The following EXOC4 variants were observed in gnomAD, a reference collection of about 807,000 sequenced individuals.
EXOC4 encodes SEC8-like 1.
EXOC4 carries 71 observed loss-of-function variants against 107.2 expected under a neutral mutation model. The observed-to-expected ratio is 0.66, with a 90% confidence interval of 0.55 to 0.81. The LOEUF is 0.81. Among genes scored for constraint, EXOC4 ranks in the 30% least tolerant of loss-of-function variants. EXOC4 has a pLI of 0.00. For missense variants in EXOC4, 1,108 were observed against 1,189.6 expected, an observed-to-expected ratio of 0.93 and a Z score of 1.01; for synonymous variants, 456 against 441.2, an observed-to-expected ratio of 1.03 and a Z score of -0.42.
intron 7 of EXOC4, among the ~76,000 whole-genome samples, chr7:133,435,238 A>G (rs150110475): frequency 2.3e-4 from 35 of 152,220 alleles, no homozygotes; most frequent in Non-Finnish European, 4.6e-4. Flanking sequence ...ATCTTGTCAC[A>G]TGTGAAGGCA....
At chr7:133,270,150 C>A (rs920130036) in intron 1 of EXOC4, among the ~76,000 whole-genome samples, 1 of 152,144 alleles carries the variant, frequency 6.6e-6, no homozygotes, top group African/African-American at 2.4e-5. Context: ...AAGCTCTATT[C>A]TCTTGTCTGC....
intron 10 of EXOC4, among the ~76,000 whole-genome samples, chr7:133,761,248 A>G (rs975673212): frequency 2.0e-5 from 3 of 152,190 alleles, no homozygotes; most frequent in African/African-American, 7.2e-5. Flanking sequence ...CAACAAGTGC[A>G]TAGAGCGACA....
chr7:133,335,337 G>T (rs2150613311), intron 5 of EXOC4, among the ~76,000 whole-genome samples: 1 of 152,216 alleles, frequency 6.6e-6, no homozygotes, highest in South Asian at 2.1e-4. Context: ...CTGGAACTGT[G>T]TGCCCATTAA....
intron 3 of EXOC4, among the ~76,000 whole-genome samples, chr7:133,292,272 A>G (rs957458974): frequency 6.6e-6 from 1 of 152,224 alleles, no homozygotes; most frequent in African/African-American, 2.4e-5. Flanking sequence ...TGAACCTTCA[A>G]TAGCTAATTG....
intron 9 of EXOC4, among the ~76,000 whole-genome samples, chr7:133,485,037 G>A (rs1351455891): frequency 2.8e-5 from 4 of 143,920 alleles, no homozygotes; most frequent in Non-Finnish European, 4.5e-5. Context: ...CCGAGATCGC[G>A]CCACTGTACT....
intron 5 of EXOC4, among the ~76,000 whole-genome samples, chr7:133,327,063 A>G (rs2150597415): frequency 6.6e-6 from 1 of 152,228 alleles, no homozygotes; most frequent in Non-Finnish European, 1.5e-5. Context: ...GGAAAAGCGC[A>G]GTATTAGGGT....
At chr7:133,586,895 A>G (rs968409085) in intron 9 of EXOC4, among the ~76,000 whole-genome samples, 4 of 152,036 alleles carry the variant, frequency 2.6e-5, no homozygotes, top group African/African-American at 4.8e-5. Flanking sequence ...TAATGGTGCG[A>G]TCTCGGCTCA....
At chr7:133,795,000 A>AGGG (rs1796784552) in intron 10 of EXOC4, among the ~76,000 whole-genome samples, 2 of 151,744 alleles carry the variant, frequency 1.3e-5, no homozygotes, top group Admixed American at 1.3e-4. Context: ...TGTCCACACA[A>AGGG]TGGATAGTTT....
chr7:133,289,075 T>C lies in EXOC4; in HGVS notation c.430T>C (p.Cys144Arg). The C allele has an allele frequency of 6.2e-7, 1 of 1,614,172 alleles. No homozygotes were observed. The highest frequency in any genetic ancestry group is 1.1e-5 in the South Asian group (1 of 91,072). Residue 144 changes from cysteine (C) to arginine (R), a missense_variant, in exon 3 of 18, where the codon TGC (cysteine) becomes CGC (arginine). By Grantham distance (180) the Cys-to-Arg change is radical (BLOSUM62 -3). Coordinates refer to ENST00000253861, the MANE Select transcript of EXOC4 (RefSeq NM_021807.4). The part of the protein sequence containing the change: ...IKQVPQKLEQ[C>R]MASKHYLSAT... ...GCAAGTGCCTCAAAAGCTGGAACAG[T>C]GCATGGCCAGCAAGCACTATCTCAG...
intron 10 of EXOC4, among the ~76,000 whole-genome samples, chr7:133,681,453 C>A (rs561481558): frequency 3.9e-5 from 6 of 152,188 alleles, no homozygotes; most frequent in Admixed American, 2.6e-4. Context: ...AAAAATAGGA[C>A]ACCTTCTACT....
At position 133,994,278 on chromosome 7, in the gene EXOC4, T is replaced by TG. The variant is rs368271412; in HGVS notation, c.2207-3213dup. ...TGGTTTCCAGCTTCATCGATGTCCC[T>TG]GCAAAGGACATGAACTCATTCTTTT... On this transcript the variant is annotated intron_variant, in intron 14 of 17. Transcript: ENST00000253861. Among the ~76,000 whole-genome samples, 22 of 152,330 alleles carry TG rather than the reference T, an allele frequency of 1.4e-4. 1 individual carries two copies. The highest frequency in any genetic ancestry group is 3.8e-4 in the African/African-American group (16 of 41,574).
chr7:134,096,561 A>G, the EXOC4 span, among the ~76,000 whole-genome samples: 1 of 152,218 alleles, frequency 6.6e-6, no homozygotes, highest in African/African-American at 2.4e-5. Flanking sequence ...AAGCCAGTCC[A>G]TTCCAAAACC....
chr7:133,812,946 A>T (rs1797271274), intron 10 of EXOC4, among the ~76,000 whole-genome samples: 1 of 151,984 alleles, frequency 6.6e-6, no homozygotes, highest in Non-Finnish European at 1.5e-5. Flanking sequence ...GTAAAGAAAC[A>T]CTAAGGGACT....
chr7:133,297,555 C>T (rs1251701946), intron 3 of EXOC4, among the ~76,000 whole-genome samples: 1 of 152,162 alleles, frequency 6.6e-6, no homozygotes, highest in Admixed American at 6.5e-5. Flanking sequence ...ATTACATTAT[C>T]TCTCTGTTTT....
At chr7:134,074,848 A>G in the EXOC4 span, among the ~76,000 whole-genome samples, 2 of 152,266 alleles carry the variant, frequency 1.3e-5, no homozygotes, top group Non-Finnish European at 2.9e-5. Flanking sequence ...TTTCTGAGGA[A>G]CTCAGTAAAA....
chr7:133,351,812 T>C (rs1305976380), intron 5 of EXOC4, among the ~76,000 whole-genome samples: 1 of 151,980 alleles, frequency 6.6e-6, no homozygotes, highest in Non-Finnish European at 1.5e-5. Context: ...TAAGCATTTA[T>C]AACTATAAAT....
chr7:133,622,364 T>C (rs182940494), intron 9 of EXOC4, among the ~76,000 whole-genome samples: 1 of 152,250 alleles, frequency 6.6e-6, no homozygotes, highest in East Asian at 1.9e-4. Context: ...ACAGTTCTTT[T>C]CTTGAAGGTT....
chr7:133,336,122 T>C (rs1795505909), intron 5 of EXOC4, among the ~76,000 whole-genome samples: 1 of 152,184 alleles, frequency 6.6e-6, no homozygotes, highest in Non-Finnish European at 1.5e-5. Context: ...TTTCAAATAT[T>C]TTCTTCCATT....
intron 11 of EXOC4, among the ~76,000 whole-genome samples, chr7:133,823,190 T>G (rs1448344712): frequency 6.6e-6 from 1 of 152,204 alleles, no homozygotes; most frequent in Non-Finnish European, 1.5e-5. Context: ...GCCCCAGTAT[T>G]TGTCAGAGTA....
Sources: gnomAD v4.1 joint callset for allele counts (sites outside exome capture counted in the v4.1 genomes callset) on GRCh38, gnomAD v4.1.1 for gene constraint, MANE v1.5 for transcripts, NCBI Gene and HGNC (gene_info 2026-07-23, HGNC 2026-07-21) for gene names.